EPM2A: variants seen among roughly 807,000 people sequenced by gnomAD.
EPM2A encodes the protein laforin.
Under a neutral mutation model 26.5 loss-of-function variants are expected in EPM2A, and 21 were observed. The observed-to-expected ratio is 0.79, with a 90% confidence interval of 0.56 to 1.14. EPM2A has a LOEUF of 1.14. Ranked by LOEUF, EPM2A falls within the 50% of genes most tolerant of loss-of-function variation. EPM2A has a pLI of 0.00. For missense variants in EPM2A, 458 were observed against 440.8 expected, an observed-to-expected ratio of 1.04 and a Z score of -0.35; for synonymous variants, 217 against 177.6, an observed-to-expected ratio of 1.22 and a Z score of -1.76.
chr6:145,451,796 T>G (rs566375693), intron 4 of EPM2A, among the ~76,000 whole-genome samples: 8 of 152,352 alleles, frequency 5.3e-5, no homozygotes, highest in African/African-American at 1.9e-4. Context: ...TTAATTTTAA[T>G]TTGTATTACA....
chr6:145,488,037 G>A (rs1779699967), intron 4 of EPM2A, among the ~76,000 whole-genome samples: 1 of 151,848 alleles, frequency 6.6e-6, no homozygotes. Flanking sequence ...TCTGCTTATG[G>A]CTAGCCAGTT....
At chr6:145,582,876 G>A (rs1445642912) in intron 2 of EPM2A, among the ~76,000 whole-genome samples, 1 of 152,032 alleles carries the variant, frequency 6.6e-6, no homozygotes, top group Non-Finnish European at 1.5e-5. Flanking sequence ...CTTTATTTGT[G>A]TCTGACTGAG....
At chr6:145,460,644 G>A (rs1040616192) in intron 4 of EPM2A, among the ~76,000 whole-genome samples, 43 of 152,028 alleles carry the variant, frequency 2.8e-4, no homozygotes, top group African/African-American at 8.0e-4. Context: ...ATGCAGAATG[G>A]GGAATGATGG....
chr6:145,553,394 C>T (rs1780680948), intron 2 of EPM2A, among the ~76,000 whole-genome samples: 3 of 152,082 alleles, frequency 2.0e-5, no homozygotes, highest in Admixed American at 1.3e-4. Flanking sequence ...TTCCCATGCT[C>T]CTCCTCAGTA....
intron 4 of EPM2A, among the ~76,000 whole-genome samples, chr6:145,423,521 G>T (rs1778816615): frequency 6.6e-6 from 1 of 152,220 alleles, no homozygotes; most frequent in Non-Finnish European, 1.5e-5. Context: ...TTGTGGAAGA[G>T]AAAAGAGAGT....
chr6:145,542,566 G>A (rs1780527494), intron 2 of EPM2A, among the ~76,000 whole-genome samples: 1 of 152,172 alleles, frequency 6.6e-6, no homozygotes, highest in African/African-American at 2.4e-5. Context: ...AAATAGTCAG[G>A]GAATGAAATA....
At chr6:145,446,243 T>C (rs1252781509) in intron 4 of EPM2A, among the ~76,000 whole-genome samples, 1 of 146,082 alleles carries the variant, frequency 6.8e-6, no homozygotes, top group Admixed American at 7.0e-5. Flanking sequence ...ACCCTTAAAA[T>C]CATGAATATG....
chr6:145,568,322 CTTT>C (rs35034106), intron 2 of EPM2A, among the ~76,000 whole-genome samples: 31 of 140,020 alleles, frequency 2.2e-4, no homozygotes, highest in Non-Finnish European at 2.2e-4. Flanking sequence ...GGACATCTGA[CTTT>C]TTTTTTTTTT....
intron 1 of EPM2A, among the ~76,000 whole-genome samples, chr6:145,727,504 T>C (rs1776270252): frequency 6.6e-6 from 1 of 150,972 alleles, no homozygotes; most frequent in African/African-American, 2.4e-5. Context: ...AATTAGCCCA[T>C]GATAAAAAAA....
chr6:145,420,886 G>C (rs1414690663), intron 4 of EPM2A, among the ~76,000 whole-genome samples: 2 of 152,006 alleles, frequency 1.3e-5, no homozygotes, highest in African/African-American at 4.8e-5. Context: ...CCTTTTATTA[G>C]AAACGCACTC....
In EPM2A at chr6:145,522,194, C is replaced by T. The variant is rs111996413; in HGVS notation, c.341-19619G>A. ...GTCTCGATCTCCTGACTTCGTGATC[C>T]GCCTGCCTCAGCCTCCCAAAGTGCT... On this transcript the variant is annotated intron_variant, in intron 2 of 3. Coordinates refer to the EPM2A transcript ENST00000450221. 9.0e-3 allele frequency among the ~76,000 whole-genome samples: 1,367 copies of T among 152,186 alleles called. 30 individuals carry two copies. Among genetic ancestry groups the T allele is most frequent in the East Asian group, 0.087 (450 of 5,160 alleles).
chr6:145,694,674 A>C (rs1031577227), intron 1 of EPM2A, among the ~76,000 whole-genome samples: 1 of 152,010 alleles, frequency 6.6e-6, no homozygotes, highest in Admixed American at 6.6e-5. Flanking sequence ...TGTAAGAATA[A>C]AAGATAGTCA....
Position 145,510,866 on chromosome 6 carries a change from A to T in EPM2A, c.341-8291T>A, listed in dbSNP as rs555806796. Among the ~76,000 whole-genome samples, 108 of 152,268 alleles carry T rather than the reference A, an allele frequency of 7.1e-4. 1 individual carries two copies. The highest frequency in any genetic ancestry group is 7.4e-5 in the Non-Finnish European group (5 of 67,996). Reference sequence around the variant, plus strand: ...CAGACCACTAGCTAGATTAACAGAAAAAAAGAACATTCAAATAAGCACAAC... The same window carrying T: ...CAGACCACTAGCTAGATTAACAGAATAAAAGAACATTCAAATAAGCACAAC... On this transcript the variant is annotated intron_variant, in intron 2 of 3. Transcript: ENST00000450221.
intron 1 of EPM2A, among the ~76,000 whole-genome samples, chr6:145,708,522 G>A (rs185705129): frequency 6.6e-6 from 1 of 152,326 alleles, no homozygotes; most frequent in African/African-American, 2.4e-5. Context: ...TGGCTTCAGA[G>A]GGTATAAGCC....
In EPM2A at chr6:145,625,524, A is replaced by C; in HGVS notation, c.*1892T>G. On this transcript the variant is annotated 3_prime_UTR_variant, in exon 4 of 4. Transcript: ENST00000367519. The stretch of plus-strand genomic sequence containing the variant: ...AGCTGGATTTCTTAGACATTAAAGA[A>C]ATTCACAGACCCACATAGTTTAAAA... 1.8e-6 allele frequency: 1 copy of C among 571,262 alleles called. No individual in the cohort carries two copies. The allele number at this position is 571,262 out of a possible 1,614,324, so 35.4% of individuals were successfully genotyped here.
At position 145,588,753 on chromosome 6, in the gene EPM2A, T is replaced by C. The variant is rs367741730; in HGVS notation, c.340+46492A>G. ...TGATTAAAGTATAGTTTGTGACTTA[T>C]GTTTTATAGTCTATAAACTTAAAAT... On this transcript the variant is annotated intron_variant, in intron 2 of 3. Coordinates refer to the EPM2A transcript ENST00000450221. Among the ~76,000 whole-genome samples, 9 of 152,240 alleles carry C rather than the reference T, an allele frequency of 5.9e-5. No individual in the cohort carries two copies. In the East Asian group the frequency reaches 9.6e-4, roughly 16 times the overall value.
intron 1 of EPM2A, among the ~76,000 whole-genome samples, chr6:145,715,475 AAAC>A (rs1362981300): frequency 6.6e-6 from 1 of 152,224 alleles, no homozygotes; most frequent in African/African-American, 2.4e-5. Context: ...CATTGTAATG[AAAC>A]AACATCGAAT....
intron 4 of EPM2A, among the ~76,000 whole-genome samples, chr6:145,474,162 T>TA (rs1200350663): frequency 2.0e-5 from 3 of 152,018 alleles, no homozygotes; most frequent in Non-Finnish European, 2.9e-5. Flanking sequence ...AATAAAAAGT[T>TA]AAAAAGTAGT....
chr6:145,569,873 G>A (rs1205439303), intron 2 of EPM2A, among the ~76,000 whole-genome samples: 1 of 151,950 alleles, frequency 6.6e-6, no homozygotes, highest in African/African-American at 2.4e-5. Flanking sequence ...ATATAAAGGG[G>A]AATTTATTAA....
Sources: allele counts gnomAD v4.1 joint callset (sites outside exome capture counted in the v4.1 genomes callset), GRCh38; gene constraint gnomAD v4.1.1; transcripts MANE v1.5; gene names NCBI Gene and HGNC (gene_info 2026-07-23, HGNC 2026-07-21).